Variants in NFKBIE observed in about 807,000 individuals in gnomAD.
NFKBIE encodes the protein NF-kappa-B inhibitor epsilon.
In NFKBIE, 11 loss-of-function variants were observed where a neutral mutation model predicts 31.6. The observed-to-expected ratio is 0.35, with a 90% CI of 0.22 to 0.58. The LOEUF is 0.58. NFKBIE is among the 20% of genes least tolerant of loss of function. The probability of loss-of-function intolerance (pLI) is 0.83; values close to 1 mark genes in which losing one functional copy is unlikely to be tolerated. For synonymous variants in NFKBIE, 208 were observed against 210.1 expected (o/e 0.99, Z 0.09); for missense variants, 354 against 465.7 (o/e 0.76, Z 2.21).
rs1781795395 is a variant in NFKBIE at position 44,259,109 on chromosome 6, G to T, written c.*110C>A. The T allele has an allele frequency of 8.6e-7, 1 of 1,163,152 alleles. No homozygotes were observed. The highest frequency in any genetic ancestry group is 1.3e-6 in the Non-Finnish European group (1 of 785,288). 72.1% of individuals were successfully genotyped at this position (1,163,152 alleles called of 1,614,324 possible). The stretch of plus-strand genomic sequence containing the variant: ...CTGGCCCCAGGCTCTGGCCACAGCA[G>T]TCCCTAGGGCACCAGAAGAGCACAT... On this transcript the variant is annotated 3_prime_UTR_variant, in exon 6 of 6. Coordinates refer to ENST00000619360, the MANE Select transcript of NFKBIE (RefSeq NM_004556.3).
chr6:44,259,985 G>A (rs951239750), intron 5 of NFKBIE, 58 bp downstream of exon 5: 1 of 1,579,666 alleles, frequency 6.3e-7, no homozygotes, highest in African/African-American at 1.3e-5. Context: ...GCTAATGACA[G>A]AACCTCTCTC....
rs761109317 is a variant in NFKBIE at position 44,260,005 on chromosome 6, T to A, written c.1020+38A>T. On this transcript the variant is annotated intron_variant, in intron 5 of 5. Transcript: ENST00000619360. The surrounding 1 kb of genome is among the most constrained non-coding windows in gnomAD (Gnocchi z 5.5). The stretch of plus-strand genomic sequence containing the variant: ...TGACAGAACCTCTCTCTGCTATGGG[T>A]GTGCAAGGCCCTGGAGAGCAAAGCA... 1 of 1,598,218 alleles carries A rather than the reference T, an allele frequency of 6.3e-7. No individual in the cohort carries two copies. Among genetic ancestry groups the A allele is most frequent in the Non-Finnish European group, 8.6e-7 (1 of 1,168,032 alleles).
rs1316815289 is a variant in NFKBIE, at chr6:44,260,836, CACACACACACACACACACATACAG to C, written c.692-321_692-298del. Among the ~76,000 whole-genome samples the C allele has an allele frequency of 8.8e-4, 71 of 80,594 alleles. No homozygotes were observed. The highest frequency in any genetic ancestry group is 1.4e-3 in the East Asian group (4 of 2,764). The allele number at this position is 80,594 out of a possible 152,430, so 52.9% of individuals were successfully genotyped here. A position where few individuals can be genotyped will look rare whatever the true frequency, so the allele number is the denominator to read the frequency against. On this transcript the variant is annotated intron_variant, in intron 3 of 5. Transcript: ENST00000619360. This position sits in a 1 kb window ranked among gnomAD's most constrained non-coding sequence, Gnocchi z 5.5. The stretch of plus-strand genomic sequence containing the variant: ...CTATACACAAACTACAACACACACA[CACACACACACACACACACATACAG>C]ACACACACACACACACACACACACA...
In NFKBIE at chr6:44,261,158, C is replaced by T. The variant is rs1202816946; in HGVS notation, c.691+468G>A. Among the ~76,000 whole-genome samples the T allele has an allele frequency of 6.6e-6, 1 of 152,198 alleles. No individual in the cohort carries two copies. The highest frequency in any genetic ancestry group is 1.5e-5 in the Non-Finnish European group (1 of 68,032). On this transcript the variant is annotated intron_variant, in intron 3 of 5. Coordinates refer to ENST00000619360, the MANE Select transcript of NFKBIE (RefSeq NM_004556.3). This position sits in a 1 kb window ranked among gnomAD's most constrained non-coding sequence, Gnocchi z 4.3. ...ACCCTATTTAACAATCATATCAACT[C>T]TCCTACTCCCCACATTCCTTCCTCT...
rs1193763023 is a variant in NFKBIE, at chr6:44,263,757, G to A, written c.366-1095C>T. On this transcript the variant is annotated intron_variant, in intron 1 of 5. Coordinates refer to ENST00000619360, the MANE Select transcript of NFKBIE (RefSeq NM_004556.3). This position sits in a 1 kb window ranked among gnomAD's most constrained non-coding sequence, Gnocchi z 5.0. ...AGTGCCCCCTGCTCTCTGGGGACTC[G>A]CTGGGGAGCCCGGACATTTCTCCCC... 2.0e-5 allele frequency among the ~76,000 whole-genome samples: 3 copies of A among 152,060 alleles called. No homozygotes were observed. The highest frequency in any genetic ancestry group is 1.9e-4 in the East Asian group (1 of 5,194).
At position 44,265,211 on chromosome 6, in the gene NFKBIE, G is replaced by T. The variant is rs1252699419; in HGVS notation, c.136C>A (p.Gln46Lys). 6.4e-7 allele frequency: 1 copy of T among 1,551,842 alleles called. No homozygotes were observed. The highest frequency in any genetic ancestry group is 1.4e-5 in the African/African-American group (1 of 73,114). Reference protein sequence around the residue: ...PASGPSDGSPQPCTHPPGPVK... With the variant: ...PASGPSDGSPKPCTHPPGPVK... ...GGTCCCGGAGGATGGGTGCAGGGCT[G>T]GGGGCTGCCGTCCGAGGGCCCGGAG... The change falls in exon 1 of 6, where the codon CAG becomes AAG. Residue 46 changes from glutamine to lysine, a missense_variant. Transcript: ENST00000619360.
chr6:44,262,177 T>C (rs1195126889), intron 2 of NFKBIE, among the ~76,000 whole-genome samples: 3 of 152,150 alleles, frequency 2.0e-5, no homozygotes, highest in African/African-American at 7.2e-5. Flanking sequence ...CCCCAGGGGT[T>C]AGGCTGCAGG....
In NFKBIE at chr6:44,260,860, GACACACAC is replaced by G. The variant is rs71547856; in HGVS notation, c.692-329_692-322del. 8.1e-3 allele frequency among the ~76,000 whole-genome samples: 1,097 copies of G among 135,506 alleles called. 12 individuals carry two copies. Among genetic ancestry groups the G allele is most frequent in the African/African-American group, 0.013 (460 of 34,934 alleles). The allele number at this position is 135,506 out of a possible 152,430, so 88.9% of individuals were successfully genotyped here. A position where few individuals can be genotyped will look rare whatever the true frequency, so the allele number is the denominator to read the frequency against. On this transcript the variant is annotated intron_variant, in intron 3 of 5. Coordinates refer to ENST00000619360, the MANE Select transcript of NFKBIE (RefSeq NM_004556.3). The surrounding 1 kb of genome is among the most constrained non-coding windows in gnomAD (Gnocchi z 5.5). ...ACACACACACACACACACACATACA[GACACACAC>G]ACACACACACACACACACACACAAC...
chr6:44,259,977 T>C, intron 5 of NFKBIE, 66 bp downstream of exon 5: 1 of 1,570,396 alleles, frequency 6.4e-7, no homozygotes, highest in Non-Finnish European at 8.7e-7. Context: ...CCCTTTCAGC[T>C]AATGACAGAA....
chr6:44,258,406 C>T lies in NFKBIE; in HGVS notation c.*813G>A, dbSNP rs1014786009. Reference sequence around the variant, plus strand: ...ATCCCCAGGCTCCTCCAGATGGCAACCCCCAGGGCAGTGGTGAGGGCTCCA... The same window carrying T: ...ATCCCCAGGCTCCTCCAGATGGCAATCCCCAGGGCAGTGGTGAGGGCTCCA... On this transcript the variant is annotated 3_prime_UTR_variant, in exon 6 of 6. Transcript: ENST00000619360. 2 of 152,378 alleles carry T rather than the reference C, an allele frequency of 1.3e-5. No homozygotes were observed. The highest frequency in any genetic ancestry group is 2.4e-5 in the African/African-American group (1 of 41,430). 9.4% of individuals were successfully genotyped at this position (152,378 alleles called of 1,614,324 possible).
rs1554142186 is a variant in NFKBIE, at chr6:44,260,864, C to CACAGAG, written c.692-326_692-325insCTCTGT. On this transcript the variant is annotated intron_variant, in intron 3 of 5. Coordinates refer to ENST00000619360, the MANE Select transcript of NFKBIE (RefSeq NM_004556.3). This position sits in a 1 kb window ranked among gnomAD's most constrained non-coding sequence, Gnocchi z 5.5. ...ACACACACACACACACATACAGACA[C>CACAGAG]ACACACACACACACACACACACACA... Among the ~76,000 whole-genome samples the CACAGAG allele has an allele frequency of 1.9e-5, 2 of 107,236 alleles. No individual in the cohort carries two copies. The highest frequency in any genetic ancestry group is 1.7e-4 in the Admixed American group (2 of 12,042). 70.4% of individuals were successfully genotyped at this position (107,236 alleles called of 152,430 possible).
Position 44,261,704 on chromosome 6 carries a change from G to A in NFKBIE, c.613C>T (p.Arg205Cys), listed in dbSNP as rs751298750. Reference protein sequence around the residue: ...ACQRQHLACARCLLEGRPEPG... With the variant: ...ACQRQHLACACCLLEGRPEPG... ...TCTGGCCGCCCTTCCAGCAGGCAGC[G>A]GGCACAGGCCAAGTGCTGGCGCTGG... The change falls in exon 3 of 6, where the codon CGC (arginine) becomes TGC (cysteine). Residue 205 changes from arginine (R) to cysteine (C), a missense_variant. By Grantham distance (180) the Arg-to-Cys change is radical (BLOSUM62 -3). Coordinates refer to ENST00000619360, the MANE Select transcript of NFKBIE (RefSeq NM_004556.3). The surrounding 1 kb of genome is among the most constrained non-coding windows in gnomAD (Gnocchi z 4.3). The A allele has an allele frequency of 5.6e-6, 9 of 1,614,178 alleles. No individual in the cohort carries two copies. The highest frequency in any genetic ancestry group is 1.1e-5 in the South Asian group (1 of 91,074).
chr6:44,262,716 G>C (rs1296568894), intron 1 of NFKBIE, 54 bp from the exon 2 acceptor site: 5 of 1,450,760 alleles, frequency 3.4e-6, no homozygotes, highest in East Asian at 4.5e-5. Flanking sequence ...GAGGGAGTGG[G>C]TTGGGGTCTT....
Position 44,263,228 on chromosome 6 carries a change from C to T in NFKBIE, c.366-566G>A, listed in dbSNP as rs1781986097. Among the ~76,000 whole-genome samples the T allele has an allele frequency of 6.6e-6, 1 of 152,236 alleles. No homozygotes were observed. Among genetic ancestry groups the T allele is most frequent in the Non-Finnish European group, 1.5e-5 (1 of 68,050 alleles). On this transcript the variant is annotated intron_variant, in intron 1 of 5. Coordinates refer to ENST00000619360, the MANE Select transcript of NFKBIE (RefSeq NM_004556.3). The surrounding 1 kb of genome is among the most constrained non-coding windows in gnomAD (Gnocchi z 5.0). ...GAGTCAAGAGGCACCTCTCAGATAG[C>T]ACAGACCAGGTCGGGCCTAACAGAG...
Position 44,260,407 on chromosome 6 carries a change from G to T in NFKBIE, c.780+44C>A, listed in dbSNP as rs776087448. On this transcript the variant is annotated intron_variant, in intron 4 of 5. Transcript: ENST00000619360. The surrounding 1 kb of genome is among the most constrained non-coding windows in gnomAD (Gnocchi z 5.5). ...CAGGGGACTTGGGGATGTGTCAGGTGGGGGCAGGCCCTGGGCCGGGCAGTG... is the reference window on the plus strand; with the variant it reads ...CAGGGGACTTGGGGATGTGTCAGGTTGGGGCAGGCCCTGGGCCGGGCAGTG... 7 of 1,613,356 alleles carry T rather than the reference G, an allele frequency of 4.3e-6. No homozygotes were observed. The highest frequency in any genetic ancestry group is 2.2e-5 in the South Asian group (2 of 91,052).
At chr6:44,262,497 C>T in intron 2 of NFKBIE, 63 bp downstream of exon 2, 3 of 1,428,078 alleles carry the variant, frequency 2.1e-6, no homozygotes, top group Non-Finnish European at 3.0e-6. Flanking sequence ...ACTGGTATGG[C>T]TGCTGGGAAT....
rs993019746 is a variant in NFKBIE at position 44,263,668 on chromosome 6, CTCCCACTTCCTCT to C, written c.366-1019_366-1007del. On this transcript the variant is annotated intron_variant, in intron 1 of 5. Coordinates refer to ENST00000619360, the MANE Select transcript of NFKBIE (RefSeq NM_004556.3). The surrounding 1 kb of genome is among the most constrained non-coding windows in gnomAD (Gnocchi z 5.0). ...TCCCTCTCTCCCCCAGTATCCCCTC[CTCCCACTTCCTCT>C]TCCCACTTCCATACCTCCCACAGCC... is the stretch of plus-strand genomic sequence containing the variant. 1.3e-4 allele frequency among the ~76,000 whole-genome samples: 20 copies of C among 150,994 alleles called. No homozygotes were observed. Among genetic ancestry groups the C allele is most frequent in the African/African-American group, 4.8e-4 (20 of 41,420 alleles).
chr6:44,264,906 G>C, intron 1 of NFKBIE, 76 bp downstream of exon 1: 1 of 1,468,464 alleles, frequency 6.8e-7, no homozygotes, highest in South Asian at 1.2e-5. Flanking sequence ...ACGGGGGAGT[G>C]GGGGTGCCCG....
At chr6:44,259,514 G>C (rs1397089379) in intron 5 of NFKBIE, among the ~76,000 whole-genome samples, 1 of 148,970 alleles carries the variant, frequency 6.7e-6, no homozygotes, top group Non-Finnish European at 1.5e-5. Context: ...CAGAATATCC[G>C]AGTTAGGAGG....
Sources: gnomAD v4.1 joint callset for allele counts (sites outside exome capture counted in the v4.1 genomes callset) on GRCh38, gnomAD v4.1.1 for gene constraint, Gnocchi (gnomAD v3.1) non-coding constraint, MANE v1.5 for transcripts, NCBI Gene and HGNC (gene_info 2026-07-23, HGNC 2026-07-21) for gene names.